Variants in RSAD2 observed in about 807,000 individuals in gnomAD.
The protein encoded by RSAD2 is radical S-adenosyl methionine domain containing 2, also known as S-adenosylmethionine-dependent nucleotide dehydratase RSAD2.
RSAD2 carries 38 observed loss-of-function variants against 37.7 expected under a neutral mutation model. The observed-to-expected ratio is 1.01, with a 90% CI of 0.78 to 1.32. The LOEUF (loss-of-function observed/expected upper bound fraction) is 1.32. RSAD2 is among the 40% of genes most tolerant of loss of function. RSAD2 has a pLI of 0.00. For missense variants in RSAD2, 428 were observed against 437.5 expected, an observed-to-expected ratio of 0.98 and a Z score of 0.19; for synonymous variants, 163 against 157.4, an observed-to-expected ratio of 1.04 and a Z score of -0.27.
intron 4 of RSAD2, among the ~76,000 whole-genome samples, 163 bp downstream of exon 4, chr2:6,890,488 A>G (rs1366386839): frequency 6.6e-6 from 1 of 152,190 alleles, no homozygotes; most frequent in East Asian, 1.9e-4. Context: ...GAGGGCTGCC[A>G]TTGACTCTGC....
Position 6,883,524 on chromosome 2 carries a change from A to C in RSAD2, c.500A>C (p.Gln167Pro). The part of the protein sequence containing the change: ...NGSLIRERWF[Q>P]NYGEYLDILA... ...AGCCTGATCCGGGAGAGGTGGTTCC[A>C]GAATTATGGTGTGCTCCATGGGATG... The change falls in exon 2 of 6, where the codon CAG becomes CCG. Residue 167 changes from glutamine (Q) to proline (P), a missense_variant. By Grantham distance (76) the Gln-to-Pro change is moderately conservative. Coordinates refer to ENST00000382040, the MANE Select transcript of RSAD2 (RefSeq NM_080657.5). 6.2e-7 allele frequency: 1 copy of C among 1,614,176 alleles called. No homozygotes were observed. Among genetic ancestry groups the C allele is most frequent in the East Asian group, 2.2e-5 (1 of 44,872 alleles).
At chr2:6,883,346 A>G (rs771526435) in intron 1 of RSAD2, 25 bp from the exon 2 acceptor site, 64 of 1,606,388 alleles carry the variant, frequency 4.0e-5, no homozygotes, top group Middle Eastern at 1.7e-4. Flanking sequence ...GTGAAGTGGT[A>G]AAATTCATGT....
intron 1 of RSAD2, among the ~76,000 whole-genome samples, chr2:6,880,692 T>C (rs1439414591): frequency 6.6e-6 from 1 of 152,094 alleles, no homozygotes; most frequent in East Asian, 1.9e-4. Flanking sequence ...AGTGATTTCC[T>C]TGAAATGCAT....
chr2:6,878,388 G>C (rs1487709889), intron 1 of RSAD2, among the ~76,000 whole-genome samples: 1 of 152,142 alleles, frequency 6.6e-6, no homozygotes, highest in African/African-American at 2.4e-5. Context: ...GAGCAAACCT[G>C]TCCCTCCTGC....
At chr2:6,892,509 GGTT>G (rs1003857780) in intron 4 of RSAD2, among the ~76,000 whole-genome samples, 1 of 152,196 alleles carries the variant, frequency 6.6e-6, no homozygotes, top group African/African-American at 2.4e-5. Flanking sequence ...TCATGAGCCA[GGTT>G]GTATCATCCC....
chr2:6,896,615 AC>A lies in RSAD2; in HGVS notation c.*674del, dbSNP rs1663781474. 1 of 151,964 alleles carries A rather than the reference AC, an allele frequency of 6.6e-6. No individual in the cohort carries two copies. The highest frequency in any genetic ancestry group is 6.6e-5 in the Admixed American group (1 of 15,238). 9.4% of individuals were successfully genotyped at this position (151,964 alleles called of 1,614,324 possible). On this transcript the variant is annotated 3_prime_UTR_variant, in exon 6 of 6. Coordinates refer to ENST00000382040, the MANE Select transcript of RSAD2 (RefSeq NM_080657.5). The stretch of plus-strand genomic sequence containing the variant: ...AAATAGTCAACAGATGTTTCCAAGA[AC>A]ATATGATATGATAATCCTACCAATT...
At chr2:6,871,640 G>A (rs143752814) in intron 1 of RSAD2, among the ~76,000 whole-genome samples, 292 of 152,262 alleles carry the variant, frequency 1.9e-3, no homozygotes, top group African/African-American at 6.6e-3. Flanking sequence ...GGTTTTACCC[G>A]ACTCATGGCT....
intron 3 of RSAD2, among the ~76,000 whole-genome samples, chr2:6,889,843 G>C (rs1043811693): frequency 1.3e-5 from 2 of 152,088 alleles, no homozygotes; most frequent in Non-Finnish European, 2.9e-5. Flanking sequence ...TGGGTTATGG[G>C]ATTACACATG....
chr2:6,872,404 G>A (rs968373036), intron 1 of RSAD2, among the ~76,000 whole-genome samples: 2 of 152,146 alleles, frequency 1.3e-5, no homozygotes, highest in African/African-American at 4.8e-5. Flanking sequence ...TGTATTCTTG[G>A]ATTGTCGGTA....
chr2:6,880,096 C>T (rs1663369464), intron 1 of RSAD2, among the ~76,000 whole-genome samples: 1 of 152,022 alleles, frequency 6.6e-6, no homozygotes, highest in South Asian at 2.1e-4. Flanking sequence ...ATAATAACCT[C>T]TCAGTTTAAG....
At chr2:6,869,634 C>T (rs1448978963) in intron 1 of RSAD2, among the ~76,000 whole-genome samples, 1 of 152,096 alleles carries the variant, frequency 6.6e-6, no homozygotes, top group African/African-American at 2.4e-5. Flanking sequence ...ACCTAATAGG[C>T]AAAGGATTGG....
At chr2:6,872,359 G>A (rs1367499215) in intron 1 of RSAD2, among the ~76,000 whole-genome samples, 1 of 152,166 alleles carries the variant, frequency 6.6e-6, no homozygotes, top group African/African-American at 2.4e-5. Context: ...AAGATGTTCT[G>A]TTAGAAAGCT....
At chr2:6,868,704 T>C (rs2103233801) in intron 1 of RSAD2, among the ~76,000 whole-genome samples, 1 of 152,302 alleles carries the variant, frequency 6.6e-6, no homozygotes, top group African/African-American at 2.4e-5. Context: ...ATTTGAAGAG[T>C]ATTCTCCTCT....
intron 3 of RSAD2, among the ~76,000 whole-genome samples, chr2:6,888,912 C>T (rs377298828): frequency 4.6e-5 from 7 of 152,280 alleles, no homozygotes; most frequent in Admixed American, 6.5e-5. Flanking sequence ...GCCGTGTCCC[C>T]GGGACAACAG....
Position 6,883,426 on chromosome 2 carries a change from A to T in RSAD2, c.402A>T (p.Glu134Asp). The T allele has an allele frequency of 6.2e-7, 1 of 1,614,150 alleles. No homozygotes were observed. Among genetic ancestry groups the T allele is most frequent in the South Asian group, 1.1e-5 (1 of 91,080 alleles). The change falls in exon 2 of 6, where the codon GAA becomes GAT. Residue 134 changes from glutamate to aspartate, a missense_variant. Transcript: ENST00000382040. ...GGEPFLQDRG[E>D]YLGKLVRFCK... The stretch of plus-strand genomic sequence containing the variant: ...AGCCATTTCTTCAAGACCGGGGAGA[A>T]TACCTGGGCAAGTTGGTGAGGTTCT...
chr2:6,893,736 C>CTTAA (rs774069831), intron 5 of RSAD2, 33 bp downstream of exon 5: 1 of 1,470,674 alleles, frequency 6.8e-7, no homozygotes, highest in Non-Finnish European at 9.5e-7. Context: ...AAAATTAAAA[C>CTTAA]TTAATTAATT....
chr2:6,886,924 T>C lies in RSAD2; in HGVS notation c.509-11T>C. The stretch of plus-strand genomic sequence containing the variant: ...GGATAGAAAAGTTTAAACATGATCA[T>C]TTTCCCTCAGGTGAGTATTTGGACA... On this transcript the variant is annotated splice_polypyrimidine_tract_variant and intron_variant, in intron 2 of 5. Coordinates refer to ENST00000382040, the MANE Select transcript of RSAD2 (RefSeq NM_080657.5). The C allele has an allele frequency of 6.2e-7, 1 of 1,606,736 alleles. No homozygotes were observed. Among genetic ancestry groups the C allele is most frequent in the Non-Finnish European group, 8.5e-7 (1 of 1,173,494 alleles).
chr2:6,884,298 G>T (rs1663473171), intron 2 of RSAD2, among the ~76,000 whole-genome samples: 1 of 152,174 alleles, frequency 6.6e-6, no homozygotes, highest in African/African-American at 2.4e-5. Flanking sequence ...CTGTGGATGT[G>T]GGTTGGAGGG....
intron 1 of RSAD2, among the ~76,000 whole-genome samples, chr2:6,882,910 T>C (rs1225579805): frequency 1.3e-5 from 2 of 152,232 alleles, no homozygotes; most frequent in Non-Finnish European, 1.5e-5. Flanking sequence ...TAATTCCTGC[T>C]TTACGTTTTT....
Sources: gnomAD v4.1 joint callset for allele counts (sites outside exome capture counted in the v4.1 genomes callset) on GRCh38, gnomAD v4.1.1 for gene constraint, MANE v1.5 for transcripts, NCBI Gene and HGNC (gene_info 2026-07-23, HGNC 2026-07-21) for gene names.